Variants in FRMD3 observed in about 807,000 individuals in gnomAD.
FRMD3 encodes the protein FERM domain containing 3, also known as FERM domain-containing protein 3.
FRMD3 carries 33 observed loss-of-function variants against 70.2 expected under a neutral mutation model. That is an observed-to-expected ratio of 0.47 (90% CI 0.36 to 0.63). The LOEUF is 0.63. Ranked by LOEUF, FRMD3 falls within the 20% of genes least tolerant of loss-of-function variation. FRMD3 has a pLI of 0.00. For missense variants in FRMD3, 632 were observed against 711.4 expected, an observed-to-expected ratio of 0.89 and a Z score of 1.27; for synonymous variants, 279 against 255.9, an observed-to-expected ratio of 1.09 and a Z score of -0.86.
chr9:83,554,827 T>A, the FRMD3 span, among the ~76,000 whole-genome samples: 193 of 152,226 alleles, frequency 1.3e-3, no homozygotes, highest in African/African-American at 4.6e-3. Context: ...TGAGGAGATA[T>A]GGGATCAGGC....
intron 1 of FRMD3, 80 bp from the exon 2 acceptor site, chr9:83,389,788 TG>T (rs1825615575): frequency 2.1e-6 from 2 of 930,418 alleles, no homozygotes; most frequent in Non-Finnish European, 3.5e-6. Context: ...TTCACCACCA[TG>T]GGTCTATGTT....
intron 1 of FRMD3, among the ~76,000 whole-genome samples, chr9:83,494,405 T>G (rs1828894238): frequency 6.6e-6 from 1 of 152,216 alleles, no homozygotes; most frequent in Admixed American, 6.5e-5. Flanking sequence ...TTGAAGTTCA[T>G]GCCAATTTGG....
chr9:83,539,069 T>G (rs1316582997), upstream of FRMD3, among the ~76,000 whole-genome samples: 1 of 152,156 alleles, frequency 6.6e-6, no homozygotes, highest in Non-Finnish European at 1.5e-5. Context: ...TCCCAACATC[T>G]TAGTGTGATC....
intron 1 of FRMD3, among the ~76,000 whole-genome samples, chr9:83,405,701 G>C (rs1187443113): frequency 6.6e-6 from 1 of 151,596 alleles, no homozygotes; most frequent in Non-Finnish European, 1.5e-5. Flanking sequence ...ACCCGATCTT[G>C]TGGTGAGCCA....
In FRMD3 at chr9:83,297,794, A is replaced by G. The variant is rs141899020; in HGVS notation, c.1070+954T>C. 1.0e-3 allele frequency: 473 copies of G among 471,832 alleles called. 2 individuals carry two copies. The highest frequency in any genetic ancestry group is 7.5e-3 in the Middle Eastern group (23 of 3,084). 29.2% of individuals were successfully genotyped at this position (471,832 alleles called of 1,614,324 possible). The stretch of plus-strand genomic sequence containing the variant: ...CCTCACCAAGTCACCCCAAAGCAGG[A>G]ACAAATTTTCTTCTGTACACATCTA... On this transcript the variant is annotated intron_variant, in intron 12 of 13. Coordinates refer to ENST00000304195, the MANE Select transcript of FRMD3 (RefSeq NM_174938.6).
chr9:83,358,877 T>G (rs1487368135), intron 3 of FRMD3, among the ~76,000 whole-genome samples: 1 of 152,064 alleles, frequency 6.6e-6, no homozygotes, highest in Non-Finnish European at 1.5e-5. Context: ...TCTGCACATA[T>G]GCAAAATGAC....
chr9:83,472,759 T>A (rs1268206220), intron 1 of FRMD3, among the ~76,000 whole-genome samples: 1 of 152,174 alleles, frequency 6.6e-6, no homozygotes, highest in African/African-American at 2.4e-5. Flanking sequence ...GAGAGTTGAC[T>A]CTGCCACCGA....
chr9:83,275,690 A>G (rs1382942996), intron 13 of FRMD3, among the ~76,000 whole-genome samples: 4 of 152,176 alleles, frequency 2.6e-5, no homozygotes. Flanking sequence ...TTTACCTACT[A>G]TAAGAAACAC....
the FRMD3 span, among the ~76,000 whole-genome samples, chr9:83,571,548 G>A: frequency 6.6e-6 from 1 of 152,200 alleles, no homozygotes; most frequent in Non-Finnish European, 1.5e-5. Flanking sequence ...TTAAATTTTA[G>A]TTGCGTGTTG....
chr9:83,409,736 T>C (rs1438425652), intron 1 of FRMD3, among the ~76,000 whole-genome samples: 1 of 152,230 alleles, frequency 6.6e-6, no homozygotes, highest in Non-Finnish European at 1.5e-5. Flanking sequence ...GATGGGAAAA[T>C]GTATGCTCAA....
At chr9:83,373,639 A>AAAGG in intron 2 of FRMD3, among the ~76,000 whole-genome samples, 1 of 51,258 alleles carries the variant, frequency 2.0e-5, no homozygotes, top group African/African-American at 7.1e-5. Flanking sequence ...TCTACAGCAC[A>AAAGG]TACAAAGATC....
chr9:83,466,868 G>A (rs563302970), intron 1 of FRMD3, among the ~76,000 whole-genome samples: 3 of 152,324 alleles, frequency 2.0e-5, no homozygotes, highest in African/African-American at 7.2e-5. Context: ...GATGGTGAAT[G>A]TTTGGGAGAA....
intron 1 of FRMD3, among the ~76,000 whole-genome samples, chr9:83,490,798 T>TCTCTCTCA (rs752047493): frequency 4.6e-4 from 51 of 110,778 alleles, no homozygotes; most frequent in Non-Finnish European, 6.4e-4. Context: ...TCTCTCTCTC[T>TCTCTCTCA]CACACACACA....
At chr9:83,501,997 T>TAA (rs1470246395) in intron 1 of FRMD3, among the ~76,000 whole-genome samples, 1 of 152,248 alleles carries the variant, frequency 6.6e-6, no homozygotes, top group Non-Finnish European at 1.5e-5. Context: ...GCAACTCCTT[T>TAA]AAGTGCATGA....
intron 1 of FRMD3, among the ~76,000 whole-genome samples, chr9:83,424,611 C>T (rs1294907057): frequency 6.6e-6 from 1 of 152,124 alleles, no homozygotes; most frequent in African/African-American, 2.4e-5. Context: ...AGAAGCTCTC[C>T]AAGCTTAAAA....
intron 1 of FRMD3, among the ~76,000 whole-genome samples, chr9:83,488,970 CTT>C (rs1491100059): frequency 2.9e-5 from 2 of 69,258 alleles, no homozygotes; most frequent in East Asian, 2.3e-4. Flanking sequence ...CCCCCTATAC[CTT>C]TGTGTGTGTG....
chr9:83,359,728 T>G (rs1445789549), intron 3 of FRMD3, among the ~76,000 whole-genome samples: 1 of 152,236 alleles, frequency 6.6e-6, no homozygotes, highest in Non-Finnish European at 1.5e-5. Flanking sequence ...ATGTGAAACC[T>G]ATTCCTAGAC....
intron 1 of FRMD3, among the ~76,000 whole-genome samples, chr9:83,500,369 C>G (rs767718535): frequency 5.8e-5 from 8 of 137,940 alleles, no homozygotes; most frequent in African/African-American, 1.0e-4. Flanking sequence ...ACTTATATAC[C>G]TAATTTTTCT....
rs550958040 is a variant in FRMD3, at chr9:83,406,602, C to T, written c.148-16894G>A. ...GTCAAGACAAGGTCCTGATGATAAC[C>T]CTCCCAGATCAGAACGTAACTTTCA... On this transcript the variant is annotated intron_variant, in intron 1 of 13. Coordinates refer to ENST00000304195, the MANE Select transcript of FRMD3 (RefSeq NM_174938.6). Among the ~76,000 whole-genome samples the T allele has an allele frequency of 2.6e-4, 39 of 152,270 alleles. No homozygotes were observed. The South Asian group carries it at 8.1e-3, about 32-fold the overall frequency.
Sources: allele counts gnomAD v4.1 joint callset (sites outside exome capture counted in the v4.1 genomes callset), GRCh38; gene constraint gnomAD v4.1.1; transcripts MANE v1.5; gene names NCBI Gene and HGNC (gene_info 2026-07-23, HGNC 2026-07-21).